INTS2: variants seen among roughly 807,000 people sequenced by gnomAD.
INTS2 encodes integrator complex subunit 2.
In INTS2, 57 loss-of-function variants were observed where a neutral mutation model predicts 139.6. The observed-to-expected ratio is 0.41, with a 90% CI of 0.33 to 0.51. The LOEUF is 0.51. Ranked by LOEUF, INTS2 falls within the 20% of genes least tolerant of loss-of-function variation. The pLI, the probability that INTS2 is intolerant of heterozygous loss-of-function variation, is 0.28. For missense variants in INTS2, 1,196 were observed against 1,436.7 expected, an observed-to-expected ratio of 0.83 and a Z score of 2.71; for synonymous variants, 473 against 493.4, an observed-to-expected ratio of 0.96 and a Z score of 0.55.
intron 17 of INTS2, 147 bp downstream of exon 17, chr17:61,880,860 G>A (rs1213299590): frequency 1.9e-5 from 11 of 587,416 alleles, no homozygotes; most frequent in South Asian, 8.0e-5. Flanking sequence ...TTCCTTAAAC[G>A]CAAAGAGTAT....
At position 61,927,690 on chromosome 17, in the gene INTS2, C is replaced by A. The variant is rs2079732196; in HGVS notation, c.-55G>T. The A allele has an allele frequency of 1.4e-6, 2 of 1,437,066 alleles. No individual in the cohort carries two copies. The highest frequency in any genetic ancestry group is 2.9e-5 in the South Asian group (2 of 68,742). 89.0% of individuals were successfully genotyped at this position (1,437,066 alleles called of 1,614,324 possible). A position where few individuals can be genotyped will look rare whatever the true frequency, so the allele number is the denominator to read the frequency against. On this transcript the variant is annotated 5_prime_UTR_variant, in exon 1 of 25. Coordinates refer to ENST00000251334, the MANE Select transcript of INTS2 (RefSeq NM_001351695.2). ...CCCTCCAGCCTCACGGAACCGCACA[C>A]GGACTCCGCGTCCTAGAGGCGGGAC...
intron 15 of INTS2, chr17:61,885,257 TGA>T: frequency 6.2e-6 from 3 of 486,332 alleles, no homozygotes; most frequent in Non-Finnish European, 1.1e-5. Context: ...CATAACAGGT[TGA>T]GAGAAGCCAT....
At chr17:61,878,130 G>T in intron 17 of INTS2, 42 bp from the exon 18 acceptor site, 1 of 1,250,106 alleles carries the variant, frequency 8.0e-7, no homozygotes, top group Non-Finnish European at 1.2e-6. Context: ...ATTCTGTACA[G>T]TTTATCAAGC....
chr17:61,882,694 A>T lies in INTS2; in HGVS notation c.2090-1523T>A, dbSNP rs1242294871. ...CAGTGAGCCAAGATCATGCCATTGC[A>T]CTCCAGCCTGGGTGACAGAGCAAGA... On this transcript the variant is annotated intron_variant, in intron 16 of 24. Transcript: ENST00000251334. The surrounding 1 kb of genome is among the most constrained non-coding windows in gnomAD (Gnocchi z 4.7). 7.2e-5 allele frequency among the ~76,000 whole-genome samples: 11 copies of T among 152,156 alleles called. No homozygotes were observed. The highest frequency in any genetic ancestry group is 1.6e-4 in the Non-Finnish European group (11 of 68,028).
At chr17:61,911,893 G>A (rs1415308235) in intron 6 of INTS2, 47 bp downstream of exon 6, 4 of 1,580,128 alleles carry the variant, frequency 2.5e-6, no homozygotes, top group Non-Finnish European at 3.4e-6. Context: ...AAGAGTTCTT[G>A]GACCTAATAT....
At position 61,869,639 on chromosome 17, in the gene INTS2, G is replaced by T; in HGVS notation, c.3030+98C>A. 7.3e-7 allele frequency: 1 copy of T among 1,369,878 alleles called. No individual in the cohort carries two copies. The allele number at this position is 1,369,878 out of a possible 1,614,324, so 84.9% of individuals were successfully genotyped here. On this transcript the variant is annotated intron_variant, in intron 21 of 24. Coordinates refer to ENST00000251334, the MANE Select transcript of INTS2 (RefSeq NM_001351695.2). The surrounding 1 kb of genome is among the most constrained non-coding windows in gnomAD (Gnocchi z 5.4). ...TTGCAAAAGCCCATGGATCATTTGT[G>T]TTTTCTCTGGTTTCTAAATGATCCC...
intron 9 of INTS2, among the ~76,000 whole-genome samples, chr17:61,900,907 G>A (rs1009154307): frequency 6.6e-6 from 1 of 150,970 alleles, no homozygotes; most frequent in Non-Finnish European, 1.5e-5. Flanking sequence ...GCGGTGAGCC[G>A]AGATCACACC....
In INTS2 at chr17:61,897,717, T is replaced by C; in HGVS notation, c.1330A>G (p.Met444Val). 1 of 1,608,132 alleles carries C rather than the reference T, an allele frequency of 6.2e-7. No homozygotes were observed. The highest frequency in any genetic ancestry group is 8.5e-7 in the Non-Finnish European group (1 of 1,176,828). Residue 444 changes from methionine (M) to valine (V), a missense_variant, in exon 10 of 25, where the codon ATG becomes GTG. This residue lies in a region of INTS2 where 1,129 missense variants were observed against 1,341.9 expected (regional missense o/e 0.84). Coordinates refer to ENST00000251334, the MANE Select transcript of INTS2 (RefSeq NM_001351695.2). This position sits in a 1 kb window ranked among gnomAD's most constrained non-coding sequence, Gnocchi z 4.4. ...ATCATCCAACTTAGCCACACCACCA[T>C]CAGCTGCTCCTGTTCAGGTGTACTA... ...LVSTPEQEQL[M>V]VVWLSWMIKE...
At chr17:61,879,071 C>CTTT (rs943506280) in intron 17 of INTS2, among the ~76,000 whole-genome samples, 2 of 34,432 alleles carry the variant, frequency 5.8e-5, no homozygotes, top group African/African-American at 2.7e-4. Context: ...CCAGGCTGGT[C>CTTT]TTTTTTTTTT....
intron 17 of INTS2, 54 bp from the exon 18 acceptor site, chr17:61,878,142 G>T: frequency 9.2e-7 from 1 of 1,085,190 alleles, no homozygotes; most frequent in Non-Finnish European, 1.4e-6. Flanking sequence ...TTATCAAGCA[G>T]GAAGTAGTAG....
rs1012240078 is a variant in INTS2, at chr17:61,869,589, C to A, written c.3030+148G>T. On this transcript the variant is annotated intron_variant, in intron 21 of 24. Transcript: ENST00000251334. The surrounding 1 kb of genome is among the most constrained non-coding windows in gnomAD (Gnocchi z 5.4). ...TTCATTAGGTTAAAAAAAAAAACAA[C>A]TAAAAATCTGGATTTTTCTCCATAT... 24 of 1,015,620 alleles carry A rather than the reference C, an allele frequency of 2.4e-5. No individual in the cohort carries two copies. Among genetic ancestry groups the A allele is most frequent in the Non-Finnish European group, 3.1e-5 (22 of 702,560 alleles). 62.9% of individuals were successfully genotyped at this position (1,015,620 alleles called of 1,614,324 possible).
Position 61,876,685 on chromosome 17 carries a change from C to T in INTS2, c.2456+1202G>A, listed in dbSNP as rs2079130165. Among the ~76,000 whole-genome samples the T allele has an allele frequency of 6.6e-6, 1 of 152,030 alleles. No homozygotes were observed. The highest frequency in any genetic ancestry group is 1.9e-4 in the East Asian group (1 of 5,186). ...CTTGAACTCCTGAGCTCAGGTGATC[C>T]GTCCACCTCGGCCTCCCAAAGTGCT... is the stretch of plus-strand genomic sequence containing the variant. On this transcript the variant is annotated intron_variant, in intron 18 of 24. Transcript: ENST00000251334. This position sits in a 1 kb window ranked among gnomAD's most constrained non-coding sequence, Gnocchi z 4.1.
At chr17:61,888,225 CCAGGCA>C (rs2079249428) in intron 15 of INTS2, among the ~76,000 whole-genome samples, 1 of 151,872 alleles carries the variant, frequency 6.6e-6, no homozygotes, top group Non-Finnish European at 1.5e-5. Context: ...AAAAAATCAG[CCAGGCA>C]TGGTGGTGTC....
At chr17:61,898,951 G>C (rs2079377225) in intron 9 of INTS2, among the ~76,000 whole-genome samples, 1 of 152,140 alleles carries the variant, frequency 6.6e-6, no homozygotes, top group Non-Finnish European at 1.5e-5. Flanking sequence ...ACGTTGACTT[G>C]TGAAAATTTT....
At chr17:61,913,466 C>A (rs1308316239) in intron 5 of INTS2, among the ~76,000 whole-genome samples, 1 of 151,244 alleles carries the variant, frequency 6.6e-6, no homozygotes, top group Non-Finnish European at 1.5e-5. Context: ...AGAATGACAT[C>A]TTTGTTCTTT....
chr17:61,913,246 G>A (rs770480424), intron 5 of INTS2, among the ~76,000 whole-genome samples: 1 of 150,162 alleles, frequency 6.7e-6, no homozygotes, highest in Non-Finnish European at 1.5e-5. Context: ...GCTGAGGCAG[G>A]AGAACTGCTT....
chr17:61,893,964 AT>A lies in INTS2; in HGVS notation c.1564-66del. 1 of 1,116,986 alleles carries A rather than the reference AT, an allele frequency of 9.0e-7. No individual in the cohort carries two copies. Among genetic ancestry groups the A allele is most frequent in the Non-Finnish European group, 1.3e-6 (1 of 797,986 alleles). The allele number at this position is 1,116,986 out of a possible 1,614,324, so 69.2% of individuals were successfully genotyped here. A position where few individuals can be genotyped will look rare whatever the true frequency, so the allele number is the denominator to read the frequency against. On this transcript the variant is annotated intron_variant, in intron 12 of 24. Transcript: ENST00000251334. This position sits in a 1 kb window ranked among gnomAD's most constrained non-coding sequence, Gnocchi z 5.4. ...AATATAAAATTATTTTGAAAGAGAG[AT>A]TAGTAAGTAGACTGTCAACACCTAA...
rs754510370 is a variant in INTS2 at position 61,921,695 on chromosome 17, T to G, written c.535+30A>C. The G allele has an allele frequency of 3.7e-5, 42 of 1,121,350 alleles. 1 individual carries two copies. The highest frequency in any genetic ancestry group is 5.1e-5 in the Non-Finnish European group (40 of 779,638). 69.5% of individuals were successfully genotyped at this position (1,121,350 alleles called of 1,614,324 possible). A position where few individuals can be genotyped will look rare whatever the true frequency, so the allele number is the denominator to read the frequency against. Reference sequence around the variant, plus strand: ...GTATCATTTAACAAGAAACTATATATGAAATCCATCTTAGCACTCAGTACA... The same window carrying G: ...GTATCATTTAACAAGAAACTATATAGGAAATCCATCTTAGCACTCAGTACA... On this transcript the variant is annotated intron_variant, in intron 4 of 24. Transcript: ENST00000251334.
intron 8 of INTS2, among the ~76,000 whole-genome samples, chr17:61,905,976 C>T (rs1195458853): frequency 2.6e-5 from 4 of 152,288 alleles, no homozygotes; most frequent in East Asian, 3.9e-4. Context: ...GGATTACAGG[C>T]GTGAGCCACC....
Sources: allele counts gnomAD v4.1 joint callset (sites outside exome capture counted in the v4.1 genomes callset), GRCh38; gene constraint gnomAD v4.1.1; regional missense constraint gnomAD v4.1.1; non-coding constraint Gnocchi (gnomAD v3.1); transcripts MANE v1.5; gene names NCBI Gene and HGNC (gene_info 2026-07-23, HGNC 2026-07-21).